The following ERC2 variants were observed in gnomAD, a reference collection of about 807,000 sequenced individuals.
ERC2 encodes ERC protein 2.
ERC2 carries 42 observed loss-of-function variants against 114.8 expected under a neutral mutation model. That is an observed-to-expected ratio of 0.37 (90% CI 0.29 to 0.47). The LOEUF (loss-of-function observed/expected upper bound fraction) is 0.47. ERC2 is among the 20% of genes least tolerant of loss of function. ERC2 has a pLI of 0.99. For synonymous variants in ERC2, 454 were observed against 425.5 expected (o/e 1.07, Z -0.82); for missense variants, 939 against 1,150.7 (o/e 0.82, Z 2.66).
At chr3:55,936,229 G>A (rs1240028246) in intron 13 of ERC2, among the ~76,000 whole-genome samples, 1 of 152,128 alleles carries the variant, frequency 6.6e-6, no homozygotes, top group African/African-American at 2.4e-5. Context: ...ATGCTGAGAA[G>A]CCACTACCAA....
chr3:55,993,924 AT>A (rs2071279241), intron 10 of ERC2, among the ~76,000 whole-genome samples: 1 of 152,162 alleles, frequency 6.6e-6, no homozygotes, highest in Non-Finnish European at 1.5e-5. Flanking sequence ...TAATGAATAA[AT>A]TTCCTAATCT....
intron 9 of ERC2, among the ~76,000 whole-genome samples, chr3:56,008,376 G>C (rs2072666119): frequency 6.6e-6 from 1 of 152,140 alleles, no homozygotes. Flanking sequence ...CAAGAGCTGA[G>C]CATCTTGTCA....
rs546209924 is a variant in ERC2, at chr3:56,105,575, C to T, written c.1474-24591G>A. ...AAGCAATCCTCCCACGTCAACTTTC[C>T]AAAGTGTTGGGATTATAGGTGTGAG... On this transcript the variant is annotated intron_variant, in intron 6 of 17. Transcript: ENST00000288221. Among the ~76,000 whole-genome samples, 13 of 152,296 alleles carry T rather than the reference C, an allele frequency of 8.5e-5. No homozygotes were observed. In the South Asian group the frequency reaches 2.7e-3, roughly 32 times the overall value.
intron 15 of ERC2, among the ~76,000 whole-genome samples, chr3:55,714,688 T>TACACAC (rs1553639622): frequency 1.6e-3 from 167 of 101,874 alleles, no homozygotes; most frequent in African/African-American, 6.4e-3. Context: ...TATATATATA[T>TACACAC]ATATATATAT....
intron 14 of ERC2, among the ~76,000 whole-genome samples, chr3:55,863,143 G>A (rs2062101112): frequency 6.6e-6 from 1 of 152,106 alleles, no homozygotes; most frequent in Admixed American, 6.5e-5. Flanking sequence ...CAAACTGTCA[G>A]CGCCAGGAGA....
intron 5 of ERC2, 130 bp downstream of exon 5, chr3:56,148,847 A>T: frequency 1.2e-6 from 1 of 800,456 alleles, no homozygotes; most frequent in Non-Finnish European, 1.9e-6. Context: ...TCCGCATTCT[A>T]CTTTGTTGTC....
intron 17 of ERC2, among the ~76,000 whole-genome samples, chr3:55,550,114 A>T (rs1458001468): frequency 6.6e-6 from 1 of 151,998 alleles, no homozygotes. Flanking sequence ...CCCTGGGCTC[A>T]TGCTCCCTCC....
chr3:56,134,819 A>G (rs1190184035), intron 6 of ERC2, among the ~76,000 whole-genome samples: 1 of 152,212 alleles, frequency 6.6e-6, no homozygotes, highest in Non-Finnish European at 1.5e-5. Flanking sequence ...CACATCTTGG[A>G]AAACACATGC....
At chr3:56,183,210 G>T (rs1286706840) in intron 3 of ERC2, among the ~76,000 whole-genome samples, 1 of 152,092 alleles carries the variant, frequency 6.6e-6, no homozygotes, top group African/African-American at 2.4e-5. Context: ...TAATATACAG[G>T]CTACATTCTT....
intron 6 of ERC2, among the ~76,000 whole-genome samples, chr3:56,117,338 A>G (rs2079294391): frequency 6.6e-6 from 1 of 152,194 alleles, no homozygotes; most frequent in South Asian, 2.1e-4. Context: ...GTAATATGCT[A>G]TTACCTGGAT....
chr3:56,094,859 A>T (rs1428621742), intron 6 of ERC2, among the ~76,000 whole-genome samples: 1 of 152,244 alleles, frequency 6.6e-6, no homozygotes, highest in African/African-American at 2.4e-5. Flanking sequence ...ACTTACTTTC[A>T]TTTAGAAAAA....
intron 10 of ERC2, among the ~76,000 whole-genome samples, chr3:56,001,002 A>G (rs2072007405): frequency 6.7e-6 from 1 of 150,164 alleles, no homozygotes; most frequent in South Asian, 2.1e-4. Flanking sequence ...GGAATAGTTC[A>G]TTATATGAGA....
intron 15 of ERC2, among the ~76,000 whole-genome samples, chr3:55,716,019 C>G (rs966160627): frequency 1.6e-4 from 24 of 152,162 alleles, no homozygotes; most frequent in African/African-American, 5.3e-4. Context: ...AAACCCAGGG[C>G]AAGCTTTCAT....
intron 3 of ERC2, among the ~76,000 whole-genome samples, chr3:56,226,015 T>G (rs1055733851): frequency 6.6e-6 from 1 of 152,244 alleles, no homozygotes; most frequent in Non-Finnish European, 1.5e-5. Flanking sequence ...TGAAGTACTA[T>G]CGCGACAGAG....
At chr3:56,389,677 T>C (rs1431245952) in intron 2 of ERC2, among the ~76,000 whole-genome samples, 1 of 152,192 alleles carries the variant, frequency 6.6e-6, no homozygotes, top group Non-Finnish European at 1.5e-5. Context: ...TCAGTGGAGT[T>C]AATAAATCAT....
intron 17 of ERC2, among the ~76,000 whole-genome samples, chr3:55,520,119 A>G (rs936702463): frequency 9.2e-5 from 14 of 152,026 alleles, no homozygotes; most frequent in African/African-American, 2.9e-4. Flanking sequence ...TGGCCTGGAA[A>G]AGTTTACCGT....
chr3:56,367,418 A>G (rs73090573), intron 2 of ERC2, among the ~76,000 whole-genome samples: 9,290 of 152,054 alleles, frequency 0.061, 411 homozygotes, highest in African/African-American at 0.11. Flanking sequence ...GCCTCTCTAT[A>G]CCCAGTGCCC....
chr3:56,348,907 AGAAGGAAG>A (rs1358863890), intron 2 of ERC2, among the ~76,000 whole-genome samples: 16 of 34,948 alleles, frequency 4.6e-4, no homozygotes, highest in Admixed American at 9.8e-4. Context: ...AAGGAAGGAA[AGAAGGAAG>A]GAAGGAAGGA....
In ERC2 at chr3:56,045,300, G is replaced by A. The variant is rs74515164; in HGVS notation, c.1642-26269C>T. On this transcript the variant is annotated intron_variant, in intron 7 of 17. Transcript: ENST00000288221. ...AACATCAAGAAATGTAAACAGAACC[G>A]TAACACTTCTTCAATTAGATTCACA... 6.1e-3 allele frequency among the ~76,000 whole-genome samples: 933 copies of A among 152,202 alleles called. 6 individuals carry two copies. Among genetic ancestry groups the A allele is most frequent in the African/African-American group, 0.021 (878 of 41,550 alleles).
Sources: gnomAD v4.1 joint callset for allele counts (sites outside exome capture counted in the v4.1 genomes callset) on GRCh38, gnomAD v4.1.1 for gene constraint, MANE v1.5 for transcripts, NCBI Gene and HGNC (gene_info 2026-07-23, HGNC 2026-07-21) for gene names.